Variants in SPON2 observed in about 807,000 individuals in gnomAD.
The protein encoded by SPON2 is spondin-2.
SPON2 carries 32 observed loss-of-function variants against 29.9 expected under a neutral mutation model. The observed-to-expected ratio is 1.07, with a 90% CI of 0.81 to 1.44. The LOEUF (loss-of-function observed/expected upper bound fraction) is 1.44, where lower values mean the gene tolerates loss of function less well. Ranked by LOEUF, SPON2 falls within the 40% of genes most tolerant of loss-of-function variation. SPON2 has a pLI of 0.00. For missense variants in SPON2, 541 were observed against 455.5 expected, an observed-to-expected ratio of 1.19 and a Z score of -1.71; for synonymous variants, 248 against 209.1, an observed-to-expected ratio of 1.19 and a Z score of -1.61.
At chr4:1,187,589 G>A (rs1004760883) in intron 1 of SPON2, among the ~76,000 whole-genome samples, 1 of 152,120 alleles carries the variant, frequency 6.6e-6, no homozygotes, top group African/African-American at 2.4e-5. Flanking sequence ...CTTTTAAGGT[G>A]TCTTTTTAGC....
chr4:1,167,242 G>C lies in SPON2; in HGVS notation c.*230C>G, dbSNP rs1429173653. 1 of 496,760 alleles carries C rather than the reference G, an allele frequency of 2.0e-6. No homozygotes were observed. Among genetic ancestry groups the C allele is most frequent in the Non-Finnish European group, 3.6e-6 (1 of 280,384 alleles). The allele number at this position is 496,760 out of a possible 1,614,324, so 30.8% of individuals were successfully genotyped here. Reference sequence around the variant, plus strand: ...CAGGAGGAGGAGGCTGAGAGCAGACGGGACACGGGGGCCCCTAAGAAGCAA... The same window carrying C: ...CAGGAGGAGGAGGCTGAGAGCAGACCGGACACGGGGGCCCCTAAGAAGCAA... On this transcript the variant is annotated 3_prime_UTR_variant, in exon 6 of 6. Transcript: ENST00000290902.
intron 1 of SPON2, among the ~76,000 whole-genome samples, chr4:1,187,650 A>G (rs977996057): frequency 6.6e-6 from 1 of 152,176 alleles, no homozygotes; most frequent in East Asian, 1.9e-4. Context: ...AACTGATCTC[A>G]GATTAATTAT....
chr4:1,175,591 T>C (rs547382954), upstream of SPON2, among the ~76,000 whole-genome samples: 88 of 136,802 alleles, frequency 6.4e-4, no homozygotes, highest in Admixed American at 4.0e-3. Flanking sequence ...AGCTAAGATA[T>C]AGGGTGGTGG....
intron 2 of SPON2, 98 bp from the exon 3 acceptor site, chr4:1,171,584 C>T (rs1727451855): frequency 7.8e-7 from 1 of 1,278,876 alleles, no homozygotes; most frequent in South Asian, 1.4e-5. Context: ...CCGCCGCCCG[C>T]AGGGAACCAT....
upstream of SPON2, among the ~76,000 whole-genome samples, chr4:1,175,476 TG>T (rs1459419696): frequency 6.6e-6 from 1 of 151,952 alleles, no homozygotes; most frequent in African/African-American, 2.4e-5. Flanking sequence ...GGGCCCAGGC[TG>T]GGGGGTCTCC....
intron 1 of SPON2, among the ~76,000 whole-genome samples, chr4:1,193,815 GGGGGGGTGGCGTGGGAAGGACGT>G (rs1727971295): frequency 4.6e-5 from 2 of 43,362 alleles, no homozygotes; most frequent in African/African-American, 1.9e-4. Context: ...GGAAGGACGT[GGGGGGGTGGCGTGGGAAGGACGT>G]GGGGGGGCAG....
At chr4:1,198,047 C>CA (rs71640383), upstream of SPON2, among the ~76,000 whole-genome samples, 62,599 of 137,658 alleles carry the variant, frequency 0.45, 14,263 homozygotes, top group East Asian at 0.65. Flanking sequence ...GACTCTGTTT[C>CA]AAAAAAAAAA....
intron 1 of SPON2, among the ~76,000 whole-genome samples, chr4:1,192,174 G>A (rs1727927076): frequency 6.6e-6 from 1 of 152,258 alleles, no homozygotes; most frequent in Non-Finnish European, 1.5e-5. Flanking sequence ...CCTCTGCAGA[G>A]TGTGGGATGG....
At chr4:1,195,710 A>C (rs1183832758), upstream of SPON2, among the ~76,000 whole-genome samples, 4 of 146,028 alleles carry the variant, frequency 2.7e-5, no homozygotes, top group East Asian at 4.3e-4. Flanking sequence ...CCTGCCCCAG[A>C]CCCCCCACCC....
chr4:1,200,094 C>T (rs1428227770), upstream of SPON2: 1 of 152,258 alleles, frequency 6.6e-6, no homozygotes, highest in Non-Finnish European at 1.5e-5. Flanking sequence ...CCAATCCCGG[C>T]TGCTAGTTAC....
At chr4:1,194,825 C>T (rs922257249) in intron 1 of SPON2, among the ~76,000 whole-genome samples, 2 of 151,988 alleles carry the variant, frequency 1.3e-5, no homozygotes, top group Non-Finnish European at 2.9e-5. Context: ...CCTCACCTCA[C>T]AGCCGGCGGT....
intron 1 of SPON2, among the ~76,000 whole-genome samples, chr4:1,188,223 A>G (rs113304969): frequency 4.7e-4 from 67 of 143,654 alleles, no homozygotes; most frequent in Non-Finnish European, 5.0e-4. Flanking sequence ...AAAAAAAAAA[A>G]AAAGAAATGA....
intron 1 of SPON2, among the ~76,000 whole-genome samples, chr4:1,206,261 T>C (rs1220063183): frequency 6.6e-6 from 1 of 151,590 alleles, no homozygotes; most frequent in Non-Finnish European, 1.5e-5. Flanking sequence ...CACCCAGGAC[T>C]GGAGAGGGCC....
At chr4:1,198,205 T>C (rs1728113941), upstream of SPON2, among the ~76,000 whole-genome samples, 1 of 152,208 alleles carries the variant, frequency 6.6e-6, no homozygotes, top group South Asian at 2.1e-4. Flanking sequence ...GGGCAGCTGC[T>C]TCGAAACCTG....
At chr4:1,188,079 C>T (rs1160367720) in intron 1 of SPON2, among the ~76,000 whole-genome samples, 5 of 150,400 alleles carry the variant, frequency 3.3e-5, no homozygotes, top group Non-Finnish European at 3.0e-5. Flanking sequence ...GGCGTGGTGG[C>T]GGGTGCCTGT....
intron 4 of SPON2, chr4:1,170,790 G>C: frequency 1.1e-6 from 1 of 950,528 alleles, no homozygotes; most frequent in South Asian, 1.4e-5. Context: ...GCGTCCCGCT[G>C]TCCTCCCTGC....
intron 2 of SPON2, 156 bp downstream of exon 2, chr4:1,171,696 A>T: frequency 1.3e-6 from 1 of 766,994 alleles, no homozygotes; most frequent in Non-Finnish European, 2.1e-6. Flanking sequence ...CATCCCCGGA[A>T]CCGCACACCG....
intron 5 of SPON2, 71 bp from the exon 6 acceptor site, chr4:1,167,727 C>T (rs766304728): frequency 1.7e-4 from 250 of 1,481,954 alleles, no homozygotes; most frequent in Non-Finnish European, 2.1e-4. Flanking sequence ...CGGAAGCCAC[C>T]TCCCACCAAC....
In SPON2 at chr4:1,171,491, A is replaced by G; in HGVS notation, c.221-5T>C. 6.2e-7 allele frequency: 1 copy of G among 1,606,146 alleles called. No homozygotes were observed. ...AGTCGGAGCTATGCGCGGCCCCTGC[A>G]GGACCACCCGGCCGCGCCGCGGACC... On this transcript the variant is annotated splice_polypyrimidine_tract_variant and splice_region_variant and intron_variant, in intron 2 of 5. Coordinates refer to ENST00000290902, the MANE Select transcript of SPON2 (RefSeq NM_012445.4).
Sources: gnomAD v4.1 joint callset for allele counts (sites outside exome capture counted in the v4.1 genomes callset) on GRCh38, gnomAD v4.1.1 for gene constraint, MANE v1.5 for transcripts, NCBI Gene and HGNC (gene_info 2026-07-23, HGNC 2026-07-21) for gene names.